The following PAPOLA variants were observed in gnomAD, a reference collection of about 807,000 sequenced individuals.
PAPOLA encodes the protein polynucleotide adenylyltransferase alpha.
In PAPOLA, 15 loss-of-function variants were observed where a neutral mutation model predicts 100.6. The observed-to-expected ratio is 0.15, with a 90% confidence interval of 0.10 to 0.23. PAPOLA has a LOEUF of 0.23. Among genes scored for constraint, PAPOLA ranks in the 10% least tolerant of loss-of-function variants. The pLI, the probability that PAPOLA is intolerant of heterozygous loss-of-function variation, is 1.00. For synonymous variants in PAPOLA, 293 were observed against 300.0 expected (o/e 0.98, Z 0.24); for missense variants, 533 against 884.2 (o/e 0.60, Z 5.04).
In PAPOLA at chr14:96,556,241, C is replaced by A. The variant is rs144871315; in HGVS notation, c.1832C>A (p.Thr611Lys). ...GCCATTTCTCCACCACCAAAGCCTACGGTCTCCAGAGTTGTTTCTTCAACA... is the reference window on the plus strand; with the variant it reads ...GCCATTTCTCCACCACCAAAGCCTAAGGTCTCCAGAGTTGTTTCTTCAACA... ...QPAISPPPKP[T>K]VSRVVSSTRL... is the part of the protein sequence containing the mutation. Residue 611 changes from threonine (T) to lysine (K), a missense_variant, in exon 19 of 22, where the codon ACG becomes AAG. Coordinates refer to ENST00000216277, the MANE Select transcript of PAPOLA (RefSeq NM_032632.5). The A allele has an allele frequency of 6.2e-7, 1 of 1,614,062 alleles. No individual in the cohort carries two copies. The highest frequency in any genetic ancestry group is 8.5e-7 in the Non-Finnish European group (1 of 1,180,006).
rs995898961 is a variant in PAPOLA, at chr14:96,527,507, T to C, written c.409T>C (p.Leu137=). The part of the protein sequence containing the change: ...SDFFTSFYDK[L]KLQEEVKDLR... Reference sequence around the variant, plus strand: ...CTTTTTCACCTCATTCTATGATAAGTTGAAATTACAGGAAGAAGTAAAAGA... The same window carrying C: ...CTTTTTCACCTCATTCTATGATAAGCTGAAATTACAGGAAGAAGTAAAAGA... Residue 137 remains leucine, a synonymous_variant, in exon 5 of 22, where the codon TTG becomes CTG. Transcript: ENST00000216277. The C allele has an allele frequency of 1.2e-6, 2 of 1,602,756 alleles. No homozygotes were observed. Among genetic ancestry groups the C allele is most frequent in the Non-Finnish European group, 1.7e-6 (2 of 1,169,890 alleles).
intron 10 of PAPOLA, 75 bp downstream of exon 10, chr14:96,534,638 G>C: frequency 1.2e-6 from 2 of 1,609,008 alleles, no homozygotes; most frequent in South Asian, 2.2e-5. Flanking sequence ...TAAACTCCAG[G>C]GAGACTTCCA....
chr14:96,510,728 C>A (rs528267853), intron 1 of PAPOLA, among the ~76,000 whole-genome samples: 1 of 152,180 alleles, frequency 6.6e-6, no homozygotes, highest in African/African-American at 2.4e-5. Context: ...ACCTGCAGTA[C>A]GTTTTTAAGA....
intron 11 of PAPOLA, 75 bp from the exon 12 acceptor site, chr14:96,536,901 A>T (rs117575536): frequency 0.019 from 15,456 of 818,850 alleles, 202 homozygotes; most frequent in Non-Finnish European, 0.025. Context: ...GAGTGCATGT[A>T]GTATGATTAA....
chr14:96,556,341 T>G lies in PAPOLA; in HGVS notation c.1932T>G (p.Thr644=). The G allele has an allele frequency of 6.2e-7, 1 of 1,613,928 alleles. No homozygotes were observed. Among genetic ancestry groups the G allele is most frequent in the Non-Finnish European group, 8.5e-7 (1 of 1,179,976 alleles). The change falls in exon 19 of 22, where the codon ACT becomes ACG. Residue 644 remains threonine, a synonymous_variant. Transcript: ENST00000216277. ...TSGNAATKIP[T]PIVGVKRTSS... is the part of the protein sequence containing the mutation. ...GAAATGCAGCAACAAAAATACCTAC[T>G]CCTATAGTAGGAGTCAAGAGGACAT... is the stretch of plus-strand genomic sequence containing the variant.
Position 96,547,854 on chromosome 14 carries a change from T to C in PAPOLA, c.1457T>C (p.Met486Thr), listed in dbSNP as rs1900511126. 2 of 1,610,988 alleles carry C rather than the reference T, an allele frequency of 1.2e-6. No individual in the cohort carries two copies. Among genetic ancestry groups the C allele is most frequent in the Middle Eastern group, 1.7e-4 (1 of 6,048 alleles). Reference protein sequence around the residue: ...MFEVDMKIAAMHVKRKQLHQL... With the variant: ...MFEVDMKIAATHVKRKQLHQL... ...GAGGTGGATATGAAAATTGCTGCAA[T>C]GCATGTAAAAAGAAAGCAACTCCAT... Residue 486 changes from methionine to threonine, a missense_variant, in exon 16 of 22, where the codon ATG (methionine) becomes ACG (threonine). Around this residue, in one of 9 missense-constraint regions of PAPOLA, gnomAD observed 18 missense variants for 74.9 expected, o/e 0.24. Coordinates refer to ENST00000216277, the MANE Select transcript of PAPOLA (RefSeq NM_032632.5).
At chr14:96,555,498 G>T (rs1013527371) in intron 17 of PAPOLA, among the ~76,000 whole-genome samples, 9 of 151,990 alleles carry the variant, frequency 5.9e-5, no homozygotes, top group African/African-American at 2.2e-4. Flanking sequence ...GCCGCCATAT[G>T]TGACAATTTA....
intron 12 of PAPOLA, chr14:96,541,846 A>T (rs1181861966): frequency 6.3e-6 from 1 of 157,502 alleles, no homozygotes; most frequent in Non-Finnish European, 1.4e-5. Flanking sequence ...GTATTTAGTG[A>T]TAAGTTTTTG....
At chr14:96,516,146 C>T (rs1004363811) in intron 1 of PAPOLA, among the ~76,000 whole-genome samples, 1 of 152,110 alleles carries the variant, frequency 6.6e-6, no homozygotes, top group African/African-American at 2.4e-5. Flanking sequence ...TAAAGTGTTA[C>T]AATATTTAAT....
chr14:96,539,805 G>T (rs1327503331), intron 12 of PAPOLA, among the ~76,000 whole-genome samples: 1 of 151,938 alleles, frequency 6.6e-6, no homozygotes, highest in African/African-American at 2.4e-5. Flanking sequence ...TACCAATCCT[G>T]GTTTTAAAAA....
Position 96,531,477 on chromosome 14 carries a change from T to A in PAPOLA, c.498T>A (p.Ile166=). The A allele has an allele frequency of 2.5e-6, 4 of 1,598,630 alleles. No homozygotes were observed. Among genetic ancestry groups the A allele is most frequent in the Non-Finnish European group, 3.4e-6 (4 of 1,171,256 alleles). The part of the protein sequence containing the change: ...VIKLCFDGIE[I]DILFARLALQ... The stretch of plus-strand genomic sequence containing the variant: ...ATGTTGTTTTGTTTGTGTTTCAGAT[T>A]GATATTTTGTTTGCAAGATTAGCAC... The change falls in exon 7 of 22, where the codon ATT becomes ATA. Residue 166 remains isoleucine (I), a splice_region_variant and synonymous_variant. Transcript: ENST00000216277.
intron 19 of PAPOLA, 116 bp downstream of exon 19, chr14:96,556,529 T>G: frequency 1.4e-5 from 10 of 724,040 alleles, no homozygotes; most frequent in Non-Finnish European, 2.1e-5. Flanking sequence ...ACAAAGCTTT[T>G]AGAAAATTTT....
intron 6 of PAPOLA, among the ~76,000 whole-genome samples, chr14:96,530,470 T>G (rs1490613166): frequency 6.6e-6 from 1 of 151,094 alleles, no homozygotes; most frequent in African/African-American, 2.4e-5. Context: ...CACTGTAGCC[T>G]CAACCTCCTG....
intron 1 of PAPOLA, among the ~76,000 whole-genome samples, chr14:96,509,399 A>T (rs1379395967): frequency 6.6e-6 from 1 of 152,244 alleles, no homozygotes; most frequent in African/African-American, 2.4e-5. Flanking sequence ...TGTGTATAAC[A>T]TGTAAATCTC....
At chr14:96,549,617 AC>A (rs372219855) in intron 16 of PAPOLA, among the ~76,000 whole-genome samples, 45 of 152,308 alleles carry the variant, frequency 3.0e-4, no homozygotes, top group African/African-American at 1.1e-3. Flanking sequence ...ACAAAAATGT[AC>A]CATTCTCAAT....
intron 1 of PAPOLA, among the ~76,000 whole-genome samples, chr14:96,515,589 G>A (rs1264783323): frequency 6.6e-6 from 1 of 152,204 alleles, no homozygotes; most frequent in South Asian, 2.1e-4. Flanking sequence ...TTATAGAGTA[G>A]AGAGCTTGCT....
chr14:96,525,465 C>T, intron 4 of PAPOLA, 74 bp downstream of exon 4: 1 of 646,380 alleles, frequency 1.5e-6, no homozygotes, highest in Non-Finnish European at 2.7e-6. Flanking sequence ...GTCTCAGTTA[C>T]TTGTGTATCA....
chr14:96,509,024 A>C (rs1477224248), intron 1 of PAPOLA, among the ~76,000 whole-genome samples: 2 of 152,148 alleles, frequency 1.3e-5, no homozygotes, highest in Non-Finnish European at 2.9e-5. Context: ...ATGTGTGGTT[A>C]GCTCAGTTGG....
At chr14:96,504,314 A>G (rs1429927660) in intron 1 of PAPOLA, 2 of 152,220 alleles carry the variant, frequency 1.3e-5, no homozygotes, top group Non-Finnish European at 2.9e-5. Flanking sequence ...TTTTATACCT[A>G]CTTTCCCCCA....
Sources: allele counts gnomAD v4.1 joint callset (sites outside exome capture counted in the v4.1 genomes callset), GRCh38; gene constraint gnomAD v4.1.1; regional missense constraint gnomAD v4.1.1; transcripts MANE v1.5; gene names NCBI Gene and HGNC (gene_info 2026-07-23, HGNC 2026-07-21).